Variants in CDH12 observed in about 807,000 individuals in gnomAD.
The protein encoded by CDH12 is cadherin 12, also known as cadherin-12.
A neutral mutation model predicts 74.1 loss-of-function variants in CDH12; 41 were observed. The ratio of observed to expected loss-of-function variants is 0.55; its 90% confidence interval spans 0.43 to 0.72. CDH12 has a LOEUF of 0.72. Among genes scored for constraint, CDH12 ranks in the 30% least tolerant of loss-of-function variants. CDH12 has a pLI of 0.00. For synonymous variants in CDH12, 399 were observed against 355.0 expected (o/e 1.12, Z -1.39); for missense variants, 945 against 977.2 (o/e 0.97, Z 0.44).
chr5:22,704,309 T>A (rs1485044887), intron 1 of CDH12, among the ~76,000 whole-genome samples: 1 of 152,112 alleles, frequency 6.6e-6, no homozygotes, highest in African/African-American at 2.4e-5. Flanking sequence ...AGCTAACAGG[T>A]GCCACCACCA....
chr5:21,801,857 C>T (rs1268523448), intron 10 of CDH12, among the ~76,000 whole-genome samples: 1 of 152,130 alleles, frequency 6.6e-6, no homozygotes, highest in African/African-American at 2.4e-5. Flanking sequence ...GAATCATTCT[C>T]TAAAAGGTTA....
rs2963551 is a variant in CDH12, at chr5:22,006,932, C to T, written c.232-31547G>A. Among the ~76,000 whole-genome samples the T allele has an allele frequency of 7.2e-5, 11 of 152,036 alleles. No individual in the cohort carries two copies. In the South Asian group the frequency reaches 8.3e-4, roughly 11 times the overall value. ...CAAATTATAAACTTTATAAATAATA[C>T]GAGTCATTTCCTTTAATATTGGCCT... On this transcript the variant is annotated intron_variant, in intron 5 of 14. Coordinates refer to ENST00000382254, the MANE Select transcript of CDH12 (RefSeq NM_004061.5).
chr5:21,984,835 T>C (rs1580068522), intron 5 of CDH12, among the ~76,000 whole-genome samples: 1 of 152,208 alleles, frequency 6.6e-6, no homozygotes, highest in Non-Finnish European at 1.5e-5. Context: ...TTTGTTGTAT[T>C]TGCTTTACTT....
intron 10 of CDH12, among the ~76,000 whole-genome samples, chr5:21,787,170 G>A (rs1328691948): frequency 2.0e-5 from 3 of 152,152 alleles, no homozygotes; most frequent in Admixed American, 1.3e-4. Context: ...ATTTTGAAAG[G>A]AGTTCCATTG....
At chr5:22,627,914 C>T (rs796280610) in intron 1 of CDH12, among the ~76,000 whole-genome samples, 59 of 149,964 alleles carry the variant, frequency 3.9e-4, no homozygotes, top group African/African-American at 1.3e-3. Context: ...AAATGGAAAA[C>T]AGAAAAAAAA....
At chr5:22,503,597 T>A (rs915918160) in intron 2 of CDH12, among the ~76,000 whole-genome samples, 2 of 152,138 alleles carry the variant, frequency 1.3e-5, no homozygotes, top group Admixed American at 1.3e-4. Flanking sequence ...TGCATCAATA[T>A]GAATTCCACT....
intron 1 of CDH12, among the ~76,000 whole-genome samples, chr5:22,681,415 C>G (rs944443461): frequency 2.1e-4 from 32 of 151,946 alleles, no homozygotes; most frequent in African/African-American, 7.5e-4. Context: ...AAGCATTTTG[C>G]TAAGTTCCAT....
At chr5:21,873,029 G>A (rs190540703) in intron 6 of CDH12, among the ~76,000 whole-genome samples, 120 of 152,072 alleles carry the variant, frequency 7.9e-4, no homozygotes, top group East Asian at 9.7e-4. Flanking sequence ...ATACGTGTGT[G>A]TATAAACTAG....
intron 4 of CDH12, among the ~76,000 whole-genome samples, chr5:22,114,038 G>T (rs1744956372): frequency 1.3e-5 from 2 of 152,160 alleles, no homozygotes; most frequent in African/African-American, 4.8e-5. Context: ...TTCCACAGAA[G>T]AGGTCTGCTT....
At chr5:22,092,680 T>G (rs1441560326) in intron 4 of CDH12, among the ~76,000 whole-genome samples, 1 of 152,132 alleles carries the variant, frequency 6.6e-6, no homozygotes, top group African/African-American at 2.4e-5. Flanking sequence ...TTGGATATTA[T>G]TTTGGTAGTT....
chr5:21,883,286 A>G, intron 6 of CDH12: 1 of 1,445,116 alleles, frequency 6.9e-7, no homozygotes, highest in Non-Finnish European at 9.7e-7. Flanking sequence ...TTAATACATC[A>G]AAAGGTCAGA....
At chr5:22,275,296 TA>T (rs756915768) in intron 3 of CDH12, among the ~76,000 whole-genome samples, 3 of 146,880 alleles carry the variant, frequency 2.0e-5, no homozygotes, top group South Asian at 2.1e-4. Context: ...AGTACAATAA[TA>T]AAAAAAAGGA....
chr5:22,511,980 G>C (rs1229825254), intron 1 of CDH12, among the ~76,000 whole-genome samples: 1 of 151,604 alleles, frequency 6.6e-6, no homozygotes, highest in Non-Finnish European at 1.5e-5. Flanking sequence ...TATATATGGG[G>C]TTTGTGTGTG....
intron 1 of CDH12, among the ~76,000 whole-genome samples, chr5:22,772,907 G>C (rs150378780): frequency 6.6e-6 from 1 of 151,956 alleles, no homozygotes; most frequent in East Asian, 1.9e-4. Context: ...ATATACAATA[G>C]CTACAAAAAA....
intron 5 of CDH12, among the ~76,000 whole-genome samples, chr5:21,990,809 A>G (rs1757710753): frequency 1.3e-5 from 2 of 151,810 alleles, no homozygotes; most frequent in Non-Finnish European, 2.9e-5. Context: ...AACTTGGCTC[A>G]AGACACACAA....
At chr5:21,952,450 A>G (rs1230033914) in intron 6 of CDH12, among the ~76,000 whole-genome samples, 2 of 152,210 alleles carry the variant, frequency 1.3e-5, no homozygotes, top group Non-Finnish European at 2.9e-5. Flanking sequence ...CAGGAGGATC[A>G]TAACAGCACA....
At chr5:22,117,434 A>T (rs1371787434) in intron 4 of CDH12, among the ~76,000 whole-genome samples, 3 of 109,254 alleles carry the variant, frequency 2.7e-5, no homozygotes, top group Admixed American at 1.2e-4. Context: ...TGCATATATA[A>T]ATTATATATA....
chr5:22,268,175 T>C (rs4328999), intron 3 of CDH12, among the ~76,000 whole-genome samples: 9,887 of 152,154 alleles, frequency 0.065, 493 homozygotes, highest in African/African-American at 0.15. Context: ...TCACTTAGAA[T>C]GAAGCCATGT....
chr5:22,513,041 G>GATA (rs934826504), intron 1 of CDH12, among the ~76,000 whole-genome samples: 3 of 151,908 alleles, frequency 2.0e-5, no homozygotes, highest in Admixed American at 1.3e-4. Flanking sequence ...TGTCTAAAAA[G>GATA]ATAATAATAA....
Sources: allele counts gnomAD v4.1 joint callset (sites outside exome capture counted in the v4.1 genomes callset), GRCh38; gene constraint gnomAD v4.1.1; transcripts MANE v1.5; gene names NCBI Gene and HGNC (gene_info 2026-07-23, HGNC 2026-07-21).